Variants in MSRA observed in about 807,000 individuals in gnomAD.
MSRA encodes mitochondrial peptide methionine sulfoxide reductase.
Under a neutral mutation model 31.3 loss-of-function variants are expected in MSRA, and 54 were observed. The ratio of observed to expected loss-of-function variants is 1.73; its 90% CI spans 1.39 to 2.17. The LOEUF (loss-of-function observed/expected upper bound fraction) is 2.17, where lower values mean the gene tolerates loss of function less well. MSRA is among the 30% of genes most tolerant of loss of function. The pLI, the probability that MSRA is intolerant of heterozygous loss-of-function variation, is 0.00. For missense variants in MSRA, 507 were observed against 300.9 expected, an observed-to-expected ratio of 1.69 and a Z score of -5.07; for synonymous variants, 169 against 116.5, an observed-to-expected ratio of 1.45 and a Z score of -2.90.
At chr8:10,426,217 T>A (rs3750312) in intron 5 of MSRA, among the ~76,000 whole-genome samples, 1 of 152,290 alleles carries the variant, frequency 6.6e-6, no homozygotes, top group East Asian at 1.9e-4. Flanking sequence ...TTCTGTTCCC[T>A]GAAAACAGTC....
intron 1 of MSRA, among the ~76,000 whole-genome samples, chr8:10,152,488 G>A (rs963568878): frequency 6.6e-6 from 1 of 152,084 alleles, no homozygotes; most frequent in African/African-American, 2.4e-5. Context: ...GCAATTAAGA[G>A]CCCCAGGAAA....
At chr8:10,242,974 G>A (rs897561005) in intron 2 of MSRA, among the ~76,000 whole-genome samples, 16 of 152,056 alleles carry the variant, frequency 1.1e-4, no homozygotes, top group Non-Finnish European at 1.5e-4. Context: ...CTCCTCATGG[G>A]GTCATTTCTT....
chr8:10,258,508 C>G (rs975929230), intron 3 of MSRA, among the ~76,000 whole-genome samples: 3 of 152,100 alleles, frequency 2.0e-5, no homozygotes, highest in African/African-American at 7.2e-5. Flanking sequence ...TCAATAGGCT[C>G]CTGATCAATG....
At chr8:10,202,388 T>A (rs796498647) in intron 1 of MSRA, among the ~76,000 whole-genome samples, 3 of 152,332 alleles carry the variant, frequency 2.0e-5, no homozygotes, top group East Asian at 3.9e-4. Context: ...TATTCTTTTA[T>A]CCCTAGAGCA....
intron 1 of MSRA, among the ~76,000 whole-genome samples, chr8:10,189,450 G>A (rs2898240): frequency 0.55 from 83,629 of 151,758 alleles, 24,343 homozygotes; most frequent in African/African-American, 0.76. Flanking sequence ...CGTTCGGTCT[G>A]TTACCATAAA....
chr8:10,190,465 G>A (rs184990246), intron 1 of MSRA, among the ~76,000 whole-genome samples: 98 of 152,328 alleles, frequency 6.4e-4, no homozygotes, highest in African/African-American at 2.3e-3. Context: ...GCAATCCAGA[G>A]GGTGATGTTG....
intron 5 of MSRA, among the ~76,000 whole-genome samples, chr8:10,392,237 T>C (rs1294987164): frequency 6.6e-6 from 1 of 152,180 alleles, no homozygotes. Flanking sequence ...TGGACAGCTG[T>C]CTCCTCTCTT....
intron 3 of MSRA, among the ~76,000 whole-genome samples, chr8:10,295,867 G>C (rs4496969): frequency 1 from 151,983 of 152,304 alleles, 75,833 homozygotes; most frequent in Middle Eastern, 1. Context: ...GACAGGGTGC[G>C]ATGGGAAACG....
At chr8:10,239,898 C>G (rs1785879773) in intron 2 of MSRA, among the ~76,000 whole-genome samples, 1 of 105,602 alleles carries the variant, frequency 9.5e-6, no homozygotes, top group Admixed American at 8.4e-5. Flanking sequence ...GTCCGGCACC[C>G]ACCTGCACAG....
chr8:10,330,448 T>C (rs1241056112), intron 5 of MSRA, among the ~76,000 whole-genome samples: 1 of 152,232 alleles, frequency 6.6e-6, no homozygotes, highest in Non-Finnish European at 1.5e-5. Context: ...TCAACATCTA[T>C]AGGCTGAAAA....
intron 5 of MSRA, among the ~76,000 whole-genome samples, chr8:10,399,615 A>G (rs551482620): frequency 2.6e-4 from 40 of 152,338 alleles, no homozygotes; most frequent in African/African-American, 8.2e-4. Context: ...CAGAACCACA[A>G]GCCAATTCAA....
intron 1 of MSRA, among the ~76,000 whole-genome samples, chr8:10,113,864 T>C (rs1800478847): frequency 6.6e-6 from 1 of 152,198 alleles, no homozygotes. Flanking sequence ...CAGTGGTTAT[T>C]AGTATATTCA....
At chr8:10,184,463 G>A (rs1806843019) in intron 1 of MSRA, among the ~76,000 whole-genome samples, 1 of 152,058 alleles carries the variant, frequency 6.6e-6, no homozygotes, top group South Asian at 2.1e-4. Context: ...GTTATTCTCG[G>A]TGAAAATAGC....
chr8:10,409,543 T>C (rs1020223177), intron 5 of MSRA, among the ~76,000 whole-genome samples: 1 of 152,210 alleles, frequency 6.6e-6, no homozygotes, highest in Non-Finnish European at 1.5e-5. Flanking sequence ...CTAAGCACCC[T>C]TCTTACCAAA....
At chr8:10,077,225 A>C (rs184523834) in intron 1 of MSRA, among the ~76,000 whole-genome samples, 1 of 152,270 alleles carries the variant, frequency 6.6e-6, no homozygotes, top group African/African-American at 2.4e-5. Flanking sequence ...ATGATGGGCA[A>C]AGAGAGGGAG....
At chr8:10,297,365 C>G (rs1563322606) in intron 3 of MSRA, among the ~76,000 whole-genome samples, 1 of 152,174 alleles carries the variant, frequency 6.6e-6, no homozygotes, top group South Asian at 2.1e-4. Context: ...AACGTTAAAG[C>G]CCCCGTAATG....
At chr8:10,307,224 A>G (rs928319895) in intron 4 of MSRA, among the ~76,000 whole-genome samples, 2 of 149,898 alleles carry the variant, frequency 1.3e-5, no homozygotes, top group Non-Finnish European at 3.0e-5. Context: ...GCTGGAGTGC[A>G]GTGGCACAAT....
Position 10,405,697 on chromosome 8 carries a change from A to G in MSRA, c.544-22451A>G, listed in dbSNP as rs1807761570. 2.0e-5 allele frequency among the ~76,000 whole-genome samples: 3 copies of G among 152,234 alleles called. No homozygotes were observed. In the South Asian group the frequency reaches 6.2e-4, roughly 31 times the overall value. On this transcript the variant is annotated intron_variant, in intron 5 of 5. Transcript: ENST00000317173. ...GCTTGGAGATGACCTTGGAGGAAGAATGCATACACAACCATGTGCTCACAC... is the reference window on the plus strand; with the variant it reads ...GCTTGGAGATGACCTTGGAGGAAGAGTGCATACACAACCATGTGCTCACAC...
At chr8:10,181,739 C>T (rs777605483) in intron 1 of MSRA, among the ~76,000 whole-genome samples, 36 of 152,096 alleles carry the variant, frequency 2.4e-4, no homozygotes, top group Non-Finnish European at 2.9e-4. Context: ...GAGAAGTGGT[C>T]GTGGTCCAGA....
Sources: gnomAD v4.1 joint callset for allele counts (sites outside exome capture counted in the v4.1 genomes callset) on GRCh38, gnomAD v4.1.1 for gene constraint, MANE v1.5 for transcripts, NCBI Gene and HGNC (gene_info 2026-07-23, HGNC 2026-07-21) for gene names.